Variants in DPY19L1 observed in about 807,000 individuals in gnomAD.
DPY19L1 encodes the protein dpy-19 like C-mannosyltransferase 1.
DPY19L1 carries 35 observed loss-of-function variants against 96.9 expected under a neutral mutation model. The ratio of observed to expected loss-of-function variants is 0.36; its 90% CI spans 0.28 to 0.48. The LOEUF (loss-of-function observed/expected upper bound fraction) is 0.48, where lower values mean the gene tolerates loss of function less well. Ranked by LOEUF, DPY19L1 falls within the 20% of genes least tolerant of loss-of-function variation. The pLI is 0.99. For missense variants in DPY19L1, 521 were observed against 777.9 expected (o/e 0.67, Z 3.93); for synonymous variants, 205 against 252.6 (o/e 0.81, Z 1.79).
intron 7 of DPY19L1, chr7:34,988,343 G>A (rs1009996153): frequency 9.9e-5 from 15 of 151,724 alleles, no homozygotes; most frequent in African/African-American, 3.6e-4. Flanking sequence ...CTGTTTCTTA[G>A]GTCATTCCCT....
intron 17 of DPY19L1, 40 bp downstream of exon 17, chr7:34,942,575 C>T (rs756522492): frequency 2.6e-6 from 4 of 1,525,224 alleles, no homozygotes; most frequent in Admixed American, 2.0e-5. Flanking sequence ...ATGCATGCAA[C>T]TTTAAGATAA....
intron 21 of DPY19L1, among the ~76,000 whole-genome samples, chr7:34,936,440 T>C (rs1286787441): frequency 1.3e-5 from 2 of 152,216 alleles, no homozygotes; most frequent in Non-Finnish European, 2.9e-5. Flanking sequence ...ATTATTTTTA[T>C]GTTCCAGTAA....
chr7:35,006,992 CCCT>C (rs1448402620), intron 6 of DPY19L1, among the ~76,000 whole-genome samples: 1 of 152,172 alleles, frequency 6.6e-6, no homozygotes, highest in African/African-American at 2.4e-5. Context: ...ACTTTAGATA[CCCT>C]CCTCTTTATT....
At chr7:35,037,832 C>T, upstream of DPY19L1, 1 of 1,230,736 alleles carries the variant, frequency 8.1e-7, no homozygotes, top group Non-Finnish European at 1.0e-6. Flanking sequence ...TCGGCGCCCG[C>T]GCGGGGCTCG....
At chr7:34,934,350 G>A (rs917200176) in intron 21 of DPY19L1, among the ~76,000 whole-genome samples, 1 of 152,164 alleles carries the variant, frequency 6.6e-6, no homozygotes. Flanking sequence ...TTCTGGGACT[G>A]TATACTGAAC....
At chr7:35,007,132 C>A (rs943718536) in intron 6 of DPY19L1, among the ~76,000 whole-genome samples, 2 of 151,702 alleles carry the variant, frequency 1.3e-5, no homozygotes, top group African/African-American at 2.4e-5. Context: ...TACTTCAGGT[C>A]AAAAAACATA....
chr7:35,022,635 C>T (rs1207195720), intron 1 of DPY19L1, among the ~76,000 whole-genome samples: 1 of 152,212 alleles, frequency 6.6e-6, no homozygotes, highest in Admixed American at 6.5e-5. Context: ...AACTTTACTA[C>T]AGTACTTATT....
chr7:34,945,810 T>C, intron 15 of DPY19L1, 94 bp from the exon 16 acceptor site: 2 of 840,740 alleles, frequency 2.4e-6, no homozygotes, highest in Non-Finnish European at 3.9e-6. Flanking sequence ...TAACTTTTAA[T>C]GAAAATATAA....
chr7:35,037,533 G>A (rs904796265), upstream of DPY19L1: 1 of 313,908 alleles, frequency 3.2e-6, no homozygotes, highest in African/African-American at 2.2e-5. Flanking sequence ...CCCTCCCCGC[G>A]GGCCGGGAGG....
chr7:34,964,359 T>C (rs1271587623), intron 10 of DPY19L1, among the ~76,000 whole-genome samples: 1 of 152,174 alleles, frequency 6.6e-6, no homozygotes, highest in Non-Finnish European at 1.5e-5. Flanking sequence ...CAGCCAACTC[T>C]GAAGGCTTAA....
At chr7:34,985,778 CT>C (rs1294231858) in intron 7 of DPY19L1, among the ~76,000 whole-genome samples, 1 of 151,802 alleles carries the variant, frequency 6.6e-6, no homozygotes, top group Non-Finnish European at 1.5e-5. Context: ...CTCAAAAACA[CT>C]AAAAATAGAA....
At chr7:34,937,896 T>A in intron 21 of DPY19L1, 98 bp downstream of exon 21, 3 of 1,302,060 alleles carry the variant, frequency 2.3e-6, no homozygotes, top group South Asian at 1.4e-5. Context: ...ATACTTTATG[T>A]TATATACACA....
intron 16 of DPY19L1, among the ~76,000 whole-genome samples, chr7:34,942,878 T>A (rs1204570732): frequency 6.6e-6 from 1 of 152,214 alleles, no homozygotes; most frequent in African/African-American, 2.4e-5. Flanking sequence ...GGGTATTTAT[T>A]AGGACAACAA....
chr7:34,932,589 G>C (rs1783777023), intron 21 of DPY19L1, among the ~76,000 whole-genome samples: 1 of 152,116 alleles, frequency 6.6e-6, no homozygotes. Flanking sequence ...ATTCTAGAAT[G>C]AATCAATTTA....
At chr7:34,966,693 C>T (rs977850138) in intron 10 of DPY19L1, among the ~76,000 whole-genome samples, 7 of 152,200 alleles carry the variant, frequency 4.6e-5, no homozygotes, top group African/African-American at 1.7e-4. Flanking sequence ...TTGGGCACAA[C>T]TTCAATCAGA....
At chr7:35,004,348 T>G (rs984636092) in intron 6 of DPY19L1, among the ~76,000 whole-genome samples, 1 of 152,192 alleles carries the variant, frequency 6.6e-6, no homozygotes, top group African/African-American at 2.4e-5. Context: ...GCAGCTAGGT[T>G]TGTGCCTGAT....
intron 21 of DPY19L1, among the ~76,000 whole-genome samples, chr7:34,937,584 A>T (rs2079555): frequency 0.46 from 69,299 of 151,486 alleles, 16,391 homozygotes; most frequent in Admixed American, 0.61. Context: ...ATCATTATTT[A>T]AAAAAAAAAG....
chr7:34,980,549 A>C (rs554982015), intron 7 of DPY19L1, among the ~76,000 whole-genome samples: 34 of 152,302 alleles, frequency 2.2e-4, no homozygotes, highest in Admixed American at 4.6e-4. Flanking sequence ...CTTGTAGAAC[A>C]TATATTCTAT....
chr7:34,985,120 T>C (rs1329673081), intron 7 of DPY19L1, among the ~76,000 whole-genome samples: 1 of 152,162 alleles, frequency 6.6e-6, no homozygotes, highest in Non-Finnish European at 1.5e-5. Flanking sequence ...AAAAGGTCTC[T>C]GCACCTTTCA....
Sources: allele counts gnomAD v4.1 joint callset (sites outside exome capture counted in the v4.1 genomes callset), GRCh38; gene constraint gnomAD v4.1.1; transcripts MANE v1.5; gene names NCBI Gene and HGNC (gene_info 2026-07-23, HGNC 2026-07-21).